The following ABHD10 variants were observed in gnomAD, a reference collection of about 807,000 sequenced individuals.
ABHD10 encodes the protein abhydrolase domain containing 10, depalmitoylase, also known as palmitoyl-protein thioesterase ABHD10, mitochondrial.
Under a neutral mutation model 33.1 loss-of-function variants are expected in ABHD10, and 22 were observed. That is an observed-to-expected ratio of 0.66 (90% CI 0.47 to 0.95). ABHD10 has a LOEUF of 0.95. Among genes scored for constraint, ABHD10 ranks in the 40% least tolerant of loss-of-function variants. The pLI, the probability that ABHD10 is intolerant of heterozygous loss-of-function variation, is 0.00. For missense variants in ABHD10, 352 were observed against 379.9 expected (o/e 0.93, Z 0.61); for synonymous variants, 146 against 133.9 (o/e 1.09, Z -0.62).
chr3:111,981,148 A>G (rs923383156), intron 1 of ABHD10, among the ~76,000 whole-genome samples: 6 of 152,022 alleles, frequency 3.9e-5, no homozygotes, highest in Admixed American at 1.3e-4. Context: ...CACAAAAAAT[A>G]CAAAAATTAA....
chr3:111,983,743 C>T (rs958887394), intron 2 of ABHD10, among the ~76,000 whole-genome samples: 2 of 152,048 alleles, frequency 1.3e-5, no homozygotes, highest in African/African-American at 4.8e-5. Context: ...GGTCCTATCA[C>T]CATGCCTAAA....
chr3:111,980,655 A>AT (rs1559934932), intron 1 of ABHD10, among the ~76,000 whole-genome samples: 1 of 152,204 alleles, frequency 6.6e-6, no homozygotes, highest in Non-Finnish European at 1.5e-5. Context: ...ATGAAGTAGG[A>AT]TAATCTTATG....
At chr3:111,990,621 T>C (rs150980802) in intron 4 of ABHD10, 6 of 549,686 alleles carry the variant, frequency 1.1e-5, no homozygotes, top group African/African-American at 5.9e-5. Context: ...TATACAGATA[T>C]TATTGTTTGG....
intron 1 of ABHD10, among the ~76,000 whole-genome samples, chr3:111,981,338 GAAAA>G (rs10610315): frequency 0.023 from 3,336 of 143,778 alleles, 125 homozygotes; most frequent in African/African-American, 0.081. Flanking sequence ...AAAAAAGAAA[GAAAA>G]TAAGGGATGT....
Position 111,986,378 on chromosome 3 carries a change from G to C in ABHD10, c.438+3G>C. Reference sequence around the variant, plus strand: ...ATGACTTAGCTGATGGGCCACAGGTGACTGTTTTGTTAAGTATGATGATAA... The same window carrying C: ...ATGACTTAGCTGATGGGCCACAGGTCACTGTTTTGTTAAGTATGATGATAA... On this transcript the variant is annotated splice_donor_region_variant and intron_variant, in intron 3 of 4. Transcript: ENST00000273359. 6.3e-7 allele frequency: 1 copy of C among 1,585,294 alleles called. No homozygotes were observed. The highest frequency in any genetic ancestry group is 8.7e-7 in the Non-Finnish European group (1 of 1,155,408).
chr3:111,985,493 A>C (rs1310213884), intron 2 of ABHD10, among the ~76,000 whole-genome samples: 1 of 152,214 alleles, frequency 6.6e-6, no homozygotes, highest in Non-Finnish European at 1.5e-5. Flanking sequence ...CTAGGAACGC[A>C]TTGAAACAAA....
At chr3:111,980,331 A>C (rs1166414599) in intron 1 of ABHD10, among the ~76,000 whole-genome samples, 2 of 152,224 alleles carry the variant, frequency 1.3e-5, no homozygotes, top group Non-Finnish European at 2.9e-5. Flanking sequence ...CTTTGAAACA[A>C]GCTTTTATGT....
chr3:111,992,516 C>T lies in ABHD10; in HGVS notation c.*795C>T, dbSNP rs1174804702. The T allele has an allele frequency of 6.6e-6, 1 of 151,874 alleles. No individual in the cohort carries two copies. The highest frequency in any genetic ancestry group is 1.5e-5 in the Non-Finnish European group (1 of 67,972). 9.4% of individuals were successfully genotyped at this position (151,874 alleles called of 1,614,324 possible). A position where few individuals can be genotyped will look rare whatever the true frequency, so the allele number is the denominator to read the frequency against. On this transcript the variant is annotated 3_prime_UTR_variant, in exon 5 of 5. Transcript: ENST00000273359. Reference sequence around the variant, plus strand: ...CTAAGTACAACTAGGCAAGTGATTGCCACCTAAATCAGAAGACGTTCTAAA... The same window carrying T: ...CTAAGTACAACTAGGCAAGTGATTGTCACCTAAATCAGAAGACGTTCTAAA...
chr3:111,983,858 A>G (rs2072618790), intron 2 of ABHD10, among the ~76,000 whole-genome samples: 1 of 152,184 alleles, frequency 6.6e-6, no homozygotes, highest in African/African-American at 2.4e-5. Context: ...ATCCCAGACT[A>G]TTGAGGCTGC....
At chr3:111,979,628 A>T (rs1445634422) in intron 1 of ABHD10, among the ~76,000 whole-genome samples, 1 of 152,242 alleles carries the variant, frequency 6.6e-6, no homozygotes, top group Non-Finnish European at 1.5e-5. Context: ...TGTTCTTTGT[A>T]AAAGTGTAGA....
chr3:111,987,221 T>C (rs549181836), intron 4 of ABHD10, among the ~76,000 whole-genome samples, 170 bp downstream of exon 4: 39 of 152,388 alleles, frequency 2.6e-4, no homozygotes, highest in Admixed American at 2.2e-3. Context: ...TTTCTATCTT[T>C]AACTATTTGT....
chr3:111,979,133 C>T lies in ABHD10; in HGVS notation c.72C>T (p.Pro24=). The T allele has an allele frequency of 6.2e-7, 1 of 1,613,378 alleles. No individual in the cohort carries two copies. Among genetic ancestry groups the T allele is most frequent in the Non-Finnish European group, 8.5e-7 (1 of 1,179,854 alleles). Reference sequence around the variant, plus strand: ...GGAGCTGGGGCTGGGCAGCCGTCCCCTTCGGTCCCCACCGTGGCCTCAGCG... The same window carrying T: ...GGAGCTGGGGCTGGGCAGCCGTCCCTTTCGGTCCCCACCGTGGCCTCAGCG... The part of the protein sequence containing the change: ...PCRSWGWAAV[P]FGPHRGLSVL... The change falls in exon 1 of 5, where the codon CCC becomes CCT. Residue 24 remains proline, a synonymous_variant. Coordinates refer to ENST00000273359, the MANE Select transcript of ABHD10 (RefSeq NM_018394.4).
intron 4 of ABHD10, among the ~76,000 whole-genome samples, chr3:111,988,790 A>G (rs2072705314): frequency 6.6e-6 from 1 of 151,906 alleles, no homozygotes; most frequent in South Asian, 2.1e-4. Context: ...GGGTCTCGCC[A>G]TGTTGCCCAG....
chr3:111,982,492 A>G (rs1056707102), intron 2 of ABHD10, among the ~76,000 whole-genome samples: 42 of 152,290 alleles, frequency 2.8e-4, no homozygotes, highest in African/African-American at 9.4e-4. Flanking sequence ...ACTGAGAGTT[A>G]TTTTAGTAAA....
chr3:111,989,376 T>C (rs901670068), intron 4 of ABHD10, among the ~76,000 whole-genome samples: 4 of 152,256 alleles, frequency 2.6e-5, no homozygotes, highest in Non-Finnish European at 5.9e-5. Context: ...ACATTTTCTT[T>C]GGGTAATGTC....
At chr3:111,980,340 G>A (rs934423522) in intron 1 of ABHD10, among the ~76,000 whole-genome samples, 6 of 152,112 alleles carry the variant, frequency 3.9e-5, no homozygotes, top group Non-Finnish European at 4.4e-5. Flanking sequence ...AAGCTTTTAT[G>A]TAAAAAGGAT....
In ABHD10 at chr3:111,992,005, A is replaced by G. The variant is rs754493015; in HGVS notation, c.*284A>G. ...TACCTTTCTTATGCTTATGTTAGCT[A>G]TGCCAGCTCTTAATTGCATCCTTTT... is the stretch of plus-strand genomic sequence containing the variant. On this transcript the variant is annotated 3_prime_UTR_variant, in exon 5 of 5. Coordinates refer to ENST00000273359, the MANE Select transcript of ABHD10 (RefSeq NM_018394.4). The G allele has an allele frequency of 6.5e-5, 16 of 245,868 alleles. No individual in the cohort carries two copies. The highest frequency in any genetic ancestry group is 3.2e-4 in the African/African-American group (14 of 44,278). 15.2% of individuals were successfully genotyped at this position (245,868 alleles called of 1,614,324 possible).
Position 111,979,216 on chromosome 3 carries a change from A to C in ABHD10, c.142+13A>C. 1 of 1,591,006 alleles carries C rather than the reference A, an allele frequency of 6.3e-7. No homozygotes were observed. Among genetic ancestry groups the C allele is most frequent in the Non-Finnish European group, 8.6e-7 (1 of 1,164,232 alleles). ...CGGTGGCTCCCAGGTCAGTGTCCGA[A>C]AGGCGGGAGTAGGATGCGTTCTTTC... On this transcript the variant is annotated intron_variant, in intron 1 of 4. Transcript: ENST00000273359.
At chr3:111,981,175 A>G (rs2072578819) in intron 1 of ABHD10, among the ~76,000 whole-genome samples, 1 of 151,942 alleles carries the variant, frequency 6.6e-6, no homozygotes, top group East Asian at 1.9e-4. Context: ...GTGGTGGTAC[A>G]TGCGTGTAGT....
Sources: allele counts gnomAD v4.1 joint callset (sites outside exome capture counted in the v4.1 genomes callset), GRCh38; gene constraint gnomAD v4.1.1; transcripts MANE v1.5; gene names NCBI Gene and HGNC (gene_info 2026-07-23, HGNC 2026-07-21).